PTPRN2: variants seen among roughly 807,000 people sequenced by gnomAD.
The protein encoded by PTPRN2 is receptor-type tyrosine-protein phosphatase N2.
In PTPRN2, 74 loss-of-function variants were observed where a neutral mutation model predicts 118.8. The ratio of observed to expected loss-of-function variants is 0.62; its 90% CI spans 0.52 to 0.76. The LOEUF is 0.76. PTPRN2 is among the 30% of genes least tolerant of loss of function. The pLI is 0.00. For missense variants in PTPRN2, 1,481 were observed against 1,394.4 expected (o/e 1.06, Z -0.99); for synonymous variants, 641 against 608.0 (o/e 1.05, Z -0.80).
At position 157,675,914 on chromosome 7, in the gene PTPRN2, A is replaced by G. The variant is rs545918770; in HGVS notation, c.2001+6811T>C. On this transcript the variant is annotated intron_variant, in intron 13 of 22. Transcript: ENST00000389418. The stretch of plus-strand genomic sequence containing the variant: ...TTTCTTCCATGAATTTCACCATTGG[A>G]GAAAAAGTTAAAAGATGAAAAGTGT... 2.6e-5 allele frequency among the ~76,000 whole-genome samples: 4 copies of G among 152,264 alleles called. No individual in the cohort carries two copies. The East Asian group carries it at 7.7e-4, about 29-fold the overall frequency.
intron 13 of PTPRN2, among the ~76,000 whole-genome samples, chr7:157,664,005 C>G (rs555728185): frequency 6.6e-6 from 1 of 152,176 alleles, no homozygotes. Context: ...GACATTTCCA[C>G]CCTGCATGAG....
chr7:157,975,548 C>T (rs1458100934), intron 11 of PTPRN2, among the ~76,000 whole-genome samples: 1 of 152,164 alleles, frequency 6.6e-6, no homozygotes, highest in East Asian at 1.9e-4. Flanking sequence ...CTTCATTCTA[C>T]ACAAACTTGG....
At chr7:158,169,372 A>G (rs1380040704) in intron 5 of PTPRN2, among the ~76,000 whole-genome samples, 1 of 151,284 alleles carries the variant, frequency 6.6e-6, no homozygotes, top group Non-Finnish European at 1.5e-5. Context: ...CCTCCCAAGT[A>G]GCTGGGACCA....
At chr7:157,890,491 A>C (rs1796737289) in intron 12 of PTPRN2, among the ~76,000 whole-genome samples, 2 of 152,132 alleles carry the variant, frequency 1.3e-5, no homozygotes, top group African/African-American at 4.8e-5. Flanking sequence ...AATACAGAAA[A>C]ATTAGCTGAA....
In PTPRN2 at chr7:158,222,429, T is replaced by C. The variant is rs116308260; in HGVS notation, c.278-17156A>G. ...TGAAATCATGTCCTTTGCAGCAACA[T>C]AGATGCAGCTGTAGGCCATCATCCT... On this transcript the variant is annotated intron_variant, in intron 3 of 22. Transcript: ENST00000389418. Among the ~76,000 whole-genome samples the C allele has an allele frequency of 2.7e-3, 415 of 152,272 alleles. 1 individual carries two copies. The highest frequency in any genetic ancestry group is 9.4e-3 in the African/African-American group (390 of 41,546).
rs79875597 is a variant in PTPRN2 at position 158,103,324 on chromosome 7, C to T, written c.1643+7505G>A. Among the ~76,000 whole-genome samples the T allele has an allele frequency of 3.4e-3, 511 of 152,300 alleles. 2 individuals carry two copies. Among genetic ancestry groups the T allele is most frequent in the African/African-American group, 0.011 (474 of 41,568 alleles). On this transcript the variant is annotated intron_variant, in intron 10 of 22. Transcript: ENST00000389418. ...GGAATGCAGTTTGAACCATTCAGGACACTTGATGGCAGGTGGCTCCTTCCA... is the reference window on the plus strand; with the variant it reads ...GGAATGCAGTTTGAACCATTCAGGATACTTGATGGCAGGTGGCTCCTTCCA...
chr7:158,080,925 C>G (rs774092201), intron 11 of PTPRN2, among the ~76,000 whole-genome samples: 1 of 152,116 alleles, frequency 6.6e-6, no homozygotes, highest in Non-Finnish European at 1.5e-5. Context: ...CAAAATTGCA[C>G]GTGCTCTGCA....
At chr7:158,340,343 C>T (rs1408909412) in intron 2 of PTPRN2, among the ~76,000 whole-genome samples, 2 of 103,952 alleles carry the variant, frequency 1.9e-5, no homozygotes, top group African/African-American at 7.0e-5. Context: ...ACACTGTCAC[C>T]ATAAGAGCTG....
chr7:158,563,690 G>C lies in PTPRN2; in HGVS notation c.112+23868C>G, dbSNP rs1169085994. Among the ~76,000 whole-genome samples, 1 of 152,246 alleles carries C rather than the reference G, an allele frequency of 6.6e-6. No homozygotes were observed. The highest frequency in any genetic ancestry group is 1.5e-5 in the Non-Finnish European group (1 of 68,046). On this transcript the variant is annotated intron_variant, in intron 1 of 22. Coordinates refer to ENST00000389418, the MANE Select transcript of PTPRN2 (RefSeq NM_002847.5). This position sits in a 1 kb window ranked among gnomAD's most constrained non-coding sequence, Gnocchi z 5.1. Reference sequence around the variant, plus strand: ...AGACTCACAGGCATGTGGCGTGGCAGTACATGAGCACTGATGTGTGAGGGG... The same window carrying C: ...AGACTCACAGGCATGTGGCGTGGCACTACATGAGCACTGATGTGTGAGGGG...
intron 10 of PTPRN2, 82 bp from the exon 11 acceptor site, chr7:158,081,459 GT>G: frequency 7.2e-7 from 1 of 1,387,954 alleles, no homozygotes; most frequent in South Asian, 1.2e-5. Context: ...GAAAACACTG[GT>G]GTGTTTTTAA....
intron 17 of PTPRN2, among the ~76,000 whole-genome samples, chr7:157,581,870 A>G (rs896413154): frequency 6.6e-6 from 1 of 152,186 alleles, no homozygotes; most frequent in Non-Finnish European, 1.5e-5. Context: ...AAGAAGAGGG[A>G]GACACCTCGA....
rs183533649 is a variant in PTPRN2, at chr7:157,643,196, G to A, written c.2196+13161C>T. Among the ~76,000 whole-genome samples, 461 of 152,344 alleles carry A rather than the reference G, an allele frequency of 3.0e-3. 1 individual carries two copies. Among genetic ancestry groups the A allele is most frequent in the Middle Eastern group, 0.02 (6 of 294 alleles). On this transcript the variant is annotated intron_variant, in intron 14 of 22. Transcript: ENST00000389418. ...TATAGACTCAGCCACTTGTCTCGCT[G>A]GGGCCAGCATGGCAGCAGGGACTGG... is the stretch of plus-strand genomic sequence containing the variant.
chr7:158,130,707 CACTCATAT>C (rs1818133795), intron 9 of PTPRN2, among the ~76,000 whole-genome samples: 1 of 151,734 alleles, frequency 6.6e-6, no homozygotes, highest in East Asian at 1.9e-4. Flanking sequence ...ACCCAACACA[CACTCATAT>C]ACACACATGC....
At chr7:157,962,873 T>C (rs1801644765) in intron 11 of PTPRN2, among the ~76,000 whole-genome samples, 1 of 152,240 alleles carries the variant, frequency 6.6e-6, no homozygotes, top group Non-Finnish European at 1.5e-5. Context: ...CTTGGTTCCA[T>C]TCCCCACTAT....
chr7:157,663,673 G>A (rs984350042), intron 13 of PTPRN2, among the ~76,000 whole-genome samples: 1 of 152,162 alleles, frequency 6.6e-6, no homozygotes, highest in Non-Finnish European at 1.5e-5. Flanking sequence ...GACACTCTTG[G>A]GAATCTCCAG....
chr7:158,142,973 T>G (rs1455671150), intron 6 of PTPRN2, among the ~76,000 whole-genome samples: 1 of 152,140 alleles, frequency 6.6e-6, no homozygotes, highest in Non-Finnish European at 1.5e-5. Flanking sequence ...TGCTGCTCAT[T>G]GCAGCTTTCA....
At chr7:158,208,629 C>A (rs1042328884) in intron 3 of PTPRN2, among the ~76,000 whole-genome samples, 1 of 152,116 alleles carries the variant, frequency 6.6e-6, no homozygotes, top group South Asian at 2.1e-4. Context: ...CAACAGCAGA[C>A]CTGTCCTATA....
chr7:158,272,241 G>T (rs1798561126), intron 3 of PTPRN2, among the ~76,000 whole-genome samples: 1 of 152,176 alleles, frequency 6.6e-6, no homozygotes, highest in Non-Finnish European at 1.5e-5. Context: ...GGGACGTCTT[G>T]TCTTCGGAGA....
chr7:158,432,959 G>A (rs1816328113), intron 2 of PTPRN2, among the ~76,000 whole-genome samples: 2 of 151,648 alleles, frequency 1.3e-5, no homozygotes, highest in Non-Finnish European at 1.5e-5. Context: ...CACAAGCCCC[G>A]CCCCCATCCT....
Sources: allele counts gnomAD v4.1 joint callset (sites outside exome capture counted in the v4.1 genomes callset), GRCh38; gene constraint gnomAD v4.1.1; non-coding constraint Gnocchi (gnomAD v3.1); transcripts MANE v1.5; gene names NCBI Gene and HGNC (gene_info 2026-07-23, HGNC 2026-07-21).